The following PLEKHA7 variants were observed in gnomAD, a reference collection of about 807,000 sequenced individuals.
The protein encoded by PLEKHA7 is pleckstrin homology domain containing A7.
A neutral mutation model predicts 170.0 loss-of-function variants in PLEKHA7; 104 were observed. That is an observed-to-expected ratio of 0.61 (90% CI 0.52 to 0.72). The LOEUF is 0.72. Among genes scored for constraint, PLEKHA7 ranks in the 30% least tolerant of loss-of-function variants. The pLI is 0.00. For missense variants in PLEKHA7, 1,615 were observed against 1,671.7 expected, an observed-to-expected ratio of 0.97 and a Z score of 0.59; for synonymous variants, 648 against 660.8, an observed-to-expected ratio of 0.98 and a Z score of 0.30.
intron 3 of PLEKHA7, among the ~76,000 whole-genome samples, chr11:16,917,788 A>T (rs1210894136): frequency 6.6e-6 from 1 of 152,078 alleles, no homozygotes; most frequent in African/African-American, 2.4e-5. Flanking sequence ...CATCTGGCCC[A>T]CTCCACTATC....
chr11:16,997,048 C>T (rs908219476), intron 3 of PLEKHA7, among the ~76,000 whole-genome samples: 3 of 152,296 alleles, frequency 2.0e-5, no homozygotes, highest in South Asian at 2.1e-4. Flanking sequence ...CTTTTTCTGC[C>T]TCACACAGCA....
At chr11:16,908,698 G>A (rs370591089) in intron 3 of PLEKHA7, among the ~76,000 whole-genome samples, 2 of 152,058 alleles carry the variant, frequency 1.3e-5, no homozygotes, top group African/African-American at 4.8e-5. Context: ...GTTTCACCAC[G>A]TTGGCCAGAA....
At chr11:16,934,243 T>C (rs957707177) in intron 3 of PLEKHA7, among the ~76,000 whole-genome samples, 2 of 152,168 alleles carry the variant, frequency 1.3e-5, no homozygotes, top group Admixed American at 6.5e-5. Flanking sequence ...AGTGCCATGA[T>C]AATGAAAGGG....
At chr11:16,946,738 G>A (rs1264626999) in intron 3 of PLEKHA7, among the ~76,000 whole-genome samples, 3 of 152,152 alleles carry the variant, frequency 2.0e-5, no homozygotes, top group Non-Finnish European at 1.5e-5. Flanking sequence ...TCAACTTGCT[G>A]TGGGTCTTAA....
At chr11:17,006,249 A>G (rs113506663) in intron 3 of PLEKHA7, among the ~76,000 whole-genome samples, 15 of 151,618 alleles carry the variant, frequency 9.9e-5, no homozygotes, top group African/African-American at 3.6e-4. Flanking sequence ...AACACCAGCT[A>G]CAAGGGAAGC....
rs139473384 is a variant in PLEKHA7, at chr11:16,951,307, G to A, written c.221+62682C>T. On this transcript the variant is annotated intron_variant, in intron 3 of 26. Coordinates refer to ENST00000531066, the MANE Select transcript of PLEKHA7 (RefSeq NM_001329630.2). ...AGTTGACATTAGTTGAGTGAATAGG[G>A]ATGGCTGAGAATACTCTCCATCAGT... 5.0e-3 allele frequency among the ~76,000 whole-genome samples: 759 copies of A among 152,180 alleles called. 8 individuals carry two copies. The highest frequency in any genetic ancestry group is 0.017 in the African/African-American group (715 of 41,498).
At chr11:16,959,667 C>T (rs920502988) in intron 3 of PLEKHA7, among the ~76,000 whole-genome samples, 3 of 152,192 alleles carry the variant, frequency 2.0e-5, no homozygotes, top group African/African-American at 7.2e-5. Flanking sequence ...CGTGAAACCA[C>T]AGTGGTATTG....
chr11:16,957,904 C>A lies in PLEKHA7; in HGVS notation c.221+56085G>T, dbSNP rs112079432. Among the ~76,000 whole-genome samples the A allele has an allele frequency of 4.2e-3, 633 of 151,920 alleles. 3 individuals carry two copies. Among genetic ancestry groups the A allele is most frequent in the African/African-American group, 0.014 (594 of 41,480 alleles). On this transcript the variant is annotated intron_variant, in intron 3 of 26. Coordinates refer to ENST00000531066, the MANE Select transcript of PLEKHA7 (RefSeq NM_001329630.2). ...ATCTTTAGTAGACACGGAGATTCAC[C>A]ATGCTGGCCAACTTGGTCTCAAACT... is the stretch of plus-strand genomic sequence containing the variant.
intron 4 of PLEKHA7, among the ~76,000 whole-genome samples, chr11:16,859,628 C>G (rs554772494): frequency 6.6e-6 from 1 of 152,346 alleles, no homozygotes; most frequent in East Asian, 1.9e-4. Context: ...TTACATCCCA[C>G]AGGCATGTTT....
chr11:16,968,638 AC>A (rs1284679853), intron 3 of PLEKHA7, among the ~76,000 whole-genome samples: 2 of 152,208 alleles, frequency 1.3e-5, no homozygotes, highest in Non-Finnish European at 2.9e-5. Flanking sequence ...ATGGAAAAAA[AC>A]AATTTTTGCA....
chr11:16,891,537 G>GC (rs1369487931), intron 3 of PLEKHA7, among the ~76,000 whole-genome samples: 3 of 152,234 alleles, frequency 2.0e-5, no homozygotes, highest in Non-Finnish European at 4.4e-5. Context: ...AGCAGCCACA[G>GC]CAAGTGAATA....
intron 10 of PLEKHA7, among the ~76,000 whole-genome samples, chr11:16,824,587 T>C (rs537467905): frequency 1.3e-5 from 2 of 152,334 alleles, no homozygotes; most frequent in South Asian, 4.1e-4. Flanking sequence ...CGAATTCACT[T>C]ACGAGTGTCG....
chr11:16,855,019 G>C (rs1030083714), intron 5 of PLEKHA7, 26 bp from the exon 6 acceptor site: 1 of 1,599,544 alleles, frequency 6.3e-7, no homozygotes, highest in African/African-American at 1.3e-5. Context: ...CTGAACTTTA[G>C]CAACAGGGAA....
chr11:16,814,031 C>G (rs1346759791), intron 12 of PLEKHA7, among the ~76,000 whole-genome samples: 1 of 152,184 alleles, frequency 6.6e-6, no homozygotes, highest in Non-Finnish European at 1.5e-5. Context: ...AGGGCCGAGG[C>G]AGGTGGCCTT....
chr11:16,945,472 A>G (rs1014801190), intron 3 of PLEKHA7, among the ~76,000 whole-genome samples: 1 of 152,198 alleles, frequency 6.6e-6, no homozygotes, highest in Non-Finnish European at 1.5e-5. Context: ...AAAGACTGAG[A>G]GTTCCTTAAG....
intron 3 of PLEKHA7, among the ~76,000 whole-genome samples, chr11:16,997,250 T>G (rs906547854): frequency 1.3e-5 from 2 of 152,130 alleles, no homozygotes; most frequent in African/African-American, 4.8e-5. Context: ...CTCCACCCCA[T>G]AGTCTACCTC....
chr11:16,910,500 T>A (rs1458331152), intron 3 of PLEKHA7, among the ~76,000 whole-genome samples: 1 of 152,098 alleles, frequency 6.6e-6, no homozygotes. Context: ...ATTTTACAAG[T>A]CCCCAAACAT....
intron 3 of PLEKHA7, among the ~76,000 whole-genome samples, chr11:16,916,895 C>A (rs1306642135): frequency 6.6e-6 from 1 of 152,132 alleles, no homozygotes; most frequent in Admixed American, 6.5e-5. Context: ...GGATTAATAG[C>A]CCTATTCGGA....
chr11:16,972,607 GAT>G (rs1862792568), intron 3 of PLEKHA7, among the ~76,000 whole-genome samples: 1 of 151,604 alleles, frequency 6.6e-6, no homozygotes, highest in Non-Finnish European at 1.5e-5. Flanking sequence ...TTTTAGTAGA[GAT>G]AAGGTCTTCC....
Sources: gnomAD v4.1 joint callset for allele counts (sites outside exome capture counted in the v4.1 genomes callset) on GRCh38, gnomAD v4.1.1 for gene constraint, MANE v1.5 for transcripts, NCBI Gene and HGNC (gene_info 2026-07-23, HGNC 2026-07-21) for gene names.